The following FARP1 variants were observed in gnomAD, a reference collection of about 807,000 sequenced individuals.
FARP1 encodes the protein FERM, ARHGEF and pleckstrin domain-containing protein 1.
Under a neutral mutation model 128.8 loss-of-function variants are expected in FARP1, and 52 were observed. That is an observed-to-expected ratio of 0.40 (90% CI 0.32 to 0.51). The LOEUF is 0.51. Ranked by LOEUF, FARP1 falls within the 20% of genes least tolerant of loss-of-function variation. The pLI, the probability that FARP1 is intolerant of heterozygous loss-of-function variation, is 0.45. For synonymous variants in FARP1, 580 were observed against 551.8 expected (o/e 1.05, Z -0.72); for missense variants, 1,333 against 1,367.9 (o/e 0.97, Z 0.40).
intron 13 of FARP1, chr13:98,397,297 G>A (rs1333041229): frequency 6.6e-6 from 1 of 152,164 alleles, no homozygotes; most frequent in African/African-American, 2.4e-5. Context: ...CTTGAAATAG[G>A]CACTGTTGTC....
chr13:98,313,382 G>A (rs367744563), intron 2 of FARP1, among the ~76,000 whole-genome samples: 10 of 151,724 alleles, frequency 6.6e-5, no homozygotes, highest in South Asian at 2.1e-4. Context: ...GTGTGATGAT[G>A]GGGGCAGAGA....
chr13:98,319,396 G>A (rs1437442812), intron 2 of FARP1, among the ~76,000 whole-genome samples: 1 of 152,166 alleles, frequency 6.6e-6, no homozygotes, highest in Non-Finnish European at 1.5e-5. Context: ...TGAGGCAGGC[G>A]GATCACAAGG....
At chr13:98,314,274 C>CTTT (rs140938723) in intron 2 of FARP1, among the ~76,000 whole-genome samples, 66 of 60,034 alleles carry the variant, frequency 1.1e-3, no homozygotes, top group Middle Eastern at 0.024. Context: ...TATTTTATGT[C>CTTT]TTTTTTTTTT....
chr13:98,189,406 A>G (rs1388970745), intron 1 of FARP1, among the ~76,000 whole-genome samples: 1 of 152,284 alleles, frequency 6.6e-6, no homozygotes, highest in Admixed American at 6.5e-5. Flanking sequence ...AAGTTCACAG[A>G]AGGTATTTTT....
At chr13:98,320,964 G>C (rs1335665742) in intron 2 of FARP1, among the ~76,000 whole-genome samples, 2 of 152,170 alleles carry the variant, frequency 1.3e-5, no homozygotes, top group African/African-American at 4.8e-5. Flanking sequence ...GTTTGAGAAG[G>C]TGCAGGTGAC....
Position 98,435,645 on chromosome 13 carries a change from A to C in FARP1, c.2213A>C (p.Gln738Pro). Residue 738 changes from glutamine (Q) to proline (P), a missense_variant, in exon 19 of 27, where the codon CAG (glutamine) becomes CCG (proline). By Grantham distance (76) the Gln-to-Pro change is moderately conservative (BLOSUM62 -1). Transcript: ENST00000319562. ...HGTMIKMENFQKLHELKKDLI... is the reference protein window; with the variant it reads ...HGTMIKMENFPKLHELKKDLI... ...ACGATGATCAAGATGGAGAATTTCCAGAAGCTGCACGAACTCAAGAAAGAT... is the reference window on the plus strand; with the variant it reads ...ACGATGATCAAGATGGAGAATTTCCCGAAGCTGCACGAACTCAAGAAAGAT... 1 of 1,614,144 alleles carries C rather than the reference A, an allele frequency of 6.2e-7. No homozygotes were observed. Among genetic ancestry groups the C allele is most frequent in the Non-Finnish European group, 8.5e-7 (1 of 1,180,004 alleles).
At chr13:98,245,585 A>C (rs1191120384) in intron 2 of FARP1, among the ~76,000 whole-genome samples, 1 of 152,228 alleles carries the variant, frequency 6.6e-6, no homozygotes, top group South Asian at 2.1e-4. Context: ...AGCCTGAGCT[A>C]GATAGAATAG....
intron 2 of FARP1, among the ~76,000 whole-genome samples, chr13:98,323,536 G>A (rs948605021): frequency 5.9e-5 from 9 of 151,458 alleles, no homozygotes; most frequent in Non-Finnish European, 1.3e-4. Context: ...AATATTTTTA[G>A]CCTGCTCCTA....
At chr13:98,183,279 T>A (rs1440558313) in intron 1 of FARP1, among the ~76,000 whole-genome samples, 2 of 152,098 alleles carry the variant, frequency 1.3e-5, no homozygotes, top group East Asian at 3.8e-4. Flanking sequence ...TTCTGGATAT[T>A]TTTTTTTCTA....
chr13:98,339,305 AAGAG>A (rs1887867976), intron 2 of FARP1, among the ~76,000 whole-genome samples: 1 of 152,108 alleles, frequency 6.6e-6, no homozygotes, highest in Non-Finnish European at 1.5e-5. Context: ...GGTGGAGCAG[AAGAG>A]AGAGAGAGCC....
At chr13:98,352,151 A>T (rs1951927694) in intron 3 of FARP1, among the ~76,000 whole-genome samples, 1 of 152,172 alleles carries the variant, frequency 6.6e-6, no homozygotes. Context: ...ACTAGATGCC[A>T]TAGTAAGTCC....
chr13:98,350,387 A>G (rs1259211762), intron 3 of FARP1, among the ~76,000 whole-genome samples: 2 of 152,144 alleles, frequency 1.3e-5, no homozygotes, highest in Non-Finnish European at 2.9e-5. Flanking sequence ...AGGTTCCTAT[A>G]TACTGTTCCC....
Position 98,385,656 on chromosome 13 carries a change from TG to T in FARP1, c.612-10del, listed in dbSNP as rs1890067658. ...TCTCCTGGCCTTTCTGTTTAATTTT[TG>T]TTTTGTCAGTGGACAAACACCAGCA... On this transcript the variant is annotated splice_polypyrimidine_tract_variant and intron_variant, in intron 7 of 26. Transcript: ENST00000319562. 6.2e-7 allele frequency: 1 copy of T among 1,614,128 alleles called. No homozygotes were observed. Among genetic ancestry groups the T allele is most frequent in the Admixed American group, 1.7e-5 (1 of 60,024 alleles).
chr13:98,225,092 G>C (rs1370203028), intron 2 of FARP1, among the ~76,000 whole-genome samples: 1 of 152,194 alleles, frequency 6.6e-6, no homozygotes, highest in Non-Finnish European at 1.5e-5. Flanking sequence ...GCTTTGTGTA[G>C]TAGTCACAGC....
At chr13:98,185,757 G>T (rs953808493) in intron 1 of FARP1, among the ~76,000 whole-genome samples, 2 of 151,958 alleles carry the variant, frequency 1.3e-5, no homozygotes, top group African/African-American at 4.8e-5. Flanking sequence ...GAATGCAGTG[G>T]CACGATCTCA....
At chr13:98,376,759 GTTTTT>G (rs34686053) in intron 5 of FARP1, among the ~76,000 whole-genome samples, 5 of 103,448 alleles carry the variant, frequency 4.8e-5, no homozygotes, top group African/African-American at 1.4e-4. Flanking sequence ...GGTTTTTTGT[GTTTTT>G]TTTTTTTTTT....
intron 25 of FARP1, 47 bp downstream of exon 25, chr13:98,446,252 C>A (rs1390689434): frequency 7.7e-7 from 1 of 1,304,700 alleles, no homozygotes; most frequent in Non-Finnish European, 1.1e-6. Flanking sequence ...TTGGGGGTGG[C>A]AGCATGAGGT....
At chr13:98,162,714 G>C (rs1876973123) in intron 1 of FARP1, among the ~76,000 whole-genome samples, 1 of 152,068 alleles carries the variant, frequency 6.6e-6, no homozygotes, top group Non-Finnish European at 1.5e-5. Flanking sequence ...CTCATGTCCA[G>C]GCCTGTTAGT....
At chr13:98,261,013 GGTGT>G (rs771012550) in intron 2 of FARP1, among the ~76,000 whole-genome samples, 108 of 152,300 alleles carry the variant, frequency 7.1e-4, no homozygotes, top group Non-Finnish European at 5.6e-4. Context: ...TCTGTGTAGG[GGTGT>G]GTATTAGGAC....
Sources: allele counts gnomAD v4.1 joint callset (sites outside exome capture counted in the v4.1 genomes callset), GRCh38; gene constraint gnomAD v4.1.1; transcripts MANE v1.5; gene names NCBI Gene and HGNC (gene_info 2026-07-23, HGNC 2026-07-21).